CTNNA2: variants seen among roughly 807,000 people sequenced by gnomAD.
The protein encoded by CTNNA2 is catenin alpha 2.
In CTNNA2, 42 loss-of-function variants were observed where a neutral mutation model predicts 101.0. That is an observed-to-expected ratio of 0.42 (90% CI 0.32 to 0.54). CTNNA2 has a LOEUF of 0.54. Ranked by LOEUF, CTNNA2 falls within the 20% of genes least tolerant of loss-of-function variation. The probability of loss-of-function intolerance (pLI) is 0.14; values close to 1 mark genes in which losing one functional copy is unlikely to be tolerated. For synonymous variants in CTNNA2, 450 were observed against 456.4 expected, an observed-to-expected ratio of 0.99 and a Z score of 0.18; for missense variants, 871 against 1,223.1, an observed-to-expected ratio of 0.71 and a Z score of 4.29.
intron 2 of CTNNA2, among the ~76,000 whole-genome samples, chr2:79,212,495 G>A (rs958302184): frequency 6.6e-6 from 1 of 152,154 alleles, no homozygotes; most frequent in African/African-American, 2.4e-5. Context: ...GCTTGGTGAG[G>A]TGTGTTTTTA....
chr2:79,698,369 A>G (rs1684777881), intron 2 of CTNNA2, among the ~76,000 whole-genome samples: 1 of 152,208 alleles, frequency 6.6e-6, no homozygotes, highest in Non-Finnish European at 1.5e-5. Flanking sequence ...GGGATTTTAA[A>G]GGAGAAAAAA....
chr2:79,202,732 C>CTATG (rs1553381733), intron 2 of CTNNA2, among the ~76,000 whole-genome samples: 2 of 151,116 alleles, frequency 1.3e-5, no homozygotes, highest in African/African-American at 2.4e-5. Context: ...TTCTACGTTT[C>CTATG]TTTGTTTGTT....
At chr2:80,043,100 TCTCTCTCTCTCTTTCTTTC>T (rs1558755114) in intron 7 of CTNNA2, among the ~76,000 whole-genome samples, 2,243 of 32,850 alleles carry the variant, frequency 0.068, 88 homozygotes, top group East Asian at 0.1. Context: ...TCTTTCTCTC[TCTCTCTCTCTCTTTCTTTC>T]TCCTTCCTTC....
intron 2 of CTNNA2, among the ~76,000 whole-genome samples, chr2:79,681,772 T>C (rs1286864063): frequency 2.0e-5 from 3 of 152,204 alleles, no homozygotes; most frequent in Non-Finnish European, 4.4e-5. Flanking sequence ...ACTTATTATG[T>C]ACAAGTAACA....
intron 1 of CTNNA2, among the ~76,000 whole-genome samples, chr2:79,561,976 A>G (rs909839792): frequency 2.6e-5 from 4 of 151,878 alleles, no homozygotes; most frequent in African/African-American, 4.8e-5. Context: ...AGTCAAATGT[A>G]TTTGTTTTTA....
intron 7 of CTNNA2, among the ~76,000 whole-genome samples, chr2:80,254,080 G>T (rs1680271726): frequency 1.3e-5 from 2 of 152,036 alleles, no homozygotes; most frequent in East Asian, 1.9e-4. Flanking sequence ...TGGTATACAG[G>T]TTATGAATTT....
chr2:80,354,321 A>G (rs139741092), intron 7 of CTNNA2, among the ~76,000 whole-genome samples: 77 of 152,250 alleles, frequency 5.1e-4, no homozygotes, highest in African/African-American at 1.8e-3. Flanking sequence ...ACTACAGAGG[A>G]GAGGAAGGGG....
At chr2:80,555,961 T>G (rs1573250976) in intron 12 of CTNNA2, 68 bp downstream of exon 12, 1 of 1,117,460 alleles carries the variant, frequency 8.9e-7, no homozygotes, top group Admixed American at 2.9e-5. Context: ...TGAATAAATC[T>G]GTTTCATTGA....
intron 4 of CTNNA2, among the ~76,000 whole-genome samples, chr2:79,377,044 C>A (rs543620990): frequency 4.4e-4 from 66 of 150,690 alleles, no homozygotes; most frequent in African/African-American, 1.6e-3. Context: ...AGTTCTAGCT[C>A]CCTGAGGAAT....
chr2:79,302,189 A>G (rs1676129079), intron 2 of CTNNA2, among the ~76,000 whole-genome samples: 2 of 152,154 alleles, frequency 1.3e-5, no homozygotes, highest in Non-Finnish European at 2.9e-5. Context: ...TAGTGACATC[A>G]AACTCTACAT....
intron 4 of CTNNA2, among the ~76,000 whole-genome samples, chr2:79,482,402 G>A (rs559582458): frequency 2.0e-5 from 3 of 152,294 alleles, no homozygotes; most frequent in Admixed American, 6.5e-5. Context: ...TCAGTCAGAA[G>A]TTTGCACAAT....
chr2:79,541,630 A>T (rs2103992748), intron 1 of CTNNA2, among the ~76,000 whole-genome samples: 1 of 142,594 alleles, frequency 7.0e-6, no homozygotes, highest in South Asian at 2.2e-4. Context: ...AATCTTCATA[A>T]TTTTTTTTTT....
intron 2 of CTNNA2, among the ~76,000 whole-genome samples, chr2:79,690,381 A>G (rs1289073283): frequency 2.6e-5 from 4 of 152,056 alleles, no homozygotes; most frequent in African/African-American, 9.7e-5. Context: ...ACTTTCATAT[A>G]AAGAAAACCT....
At chr2:80,486,151 G>A (rs1686565033) in intron 9 of CTNNA2, among the ~76,000 whole-genome samples, 1 of 152,170 alleles carries the variant, frequency 6.6e-6, no homozygotes, top group Admixed American at 6.5e-5. Flanking sequence ...GAAACAGAAT[G>A]TTCATACTGG....
intron 2 of CTNNA2, among the ~76,000 whole-genome samples, chr2:79,698,671 A>T (rs1684799285): frequency 6.6e-6 from 1 of 152,068 alleles, no homozygotes; most frequent in Admixed American, 6.6e-5. Flanking sequence ...TTCTTTAGGA[A>T]TGAGGTAACA....
chr2:80,643,730 A>G (rs1298188280), intron 18 of CTNNA2, among the ~76,000 whole-genome samples: 1 of 152,144 alleles, frequency 6.6e-6, no homozygotes, highest in Non-Finnish European at 1.5e-5. Flanking sequence ...TGCCTAGTAT[A>G]AATGTGCTTC....
chr2:80,297,255 C>G (rs899271056), intron 7 of CTNNA2, among the ~76,000 whole-genome samples: 1 of 152,132 alleles, frequency 6.6e-6, no homozygotes, highest in African/African-American at 2.4e-5. Flanking sequence ...GAGGGGCAAC[C>G]ATTCAAGGAA....
intron 7 of CTNNA2, among the ~76,000 whole-genome samples, chr2:80,283,521 T>G (rs1674539183): frequency 1.3e-5 from 2 of 152,154 alleles, no homozygotes; most frequent in Admixed American, 1.3e-4. Flanking sequence ...GGCAGTAACC[T>G]CATATTTAAA....
intron 8 of CTNNA2, among the ~76,000 whole-genome samples, chr2:80,399,803 A>C (rs1678388799): frequency 6.6e-6 from 1 of 152,250 alleles, no homozygotes; most frequent in African/African-American, 2.4e-5. Context: ...CTGTAGGATT[A>C]TGAAACAAAA....
Sources: gnomAD v4.1 joint callset for allele counts (sites outside exome capture counted in the v4.1 genomes callset) on GRCh38, gnomAD v4.1.1 for gene constraint, MANE v1.5 for transcripts, NCBI Gene and HGNC (gene_info 2026-07-23, HGNC 2026-07-21) for gene names.